The following SNX13 variants were observed in gnomAD, a reference collection of about 807,000 sequenced individuals.
SNX13 encodes the protein sorting nexin 13, also known as sorting nexin-13.
A neutral mutation model predicts 133.6 loss-of-function variants in SNX13; 45 were observed. The observed-to-expected ratio is 0.34, with a 90% CI of 0.27 to 0.43. The LOEUF (loss-of-function observed/expected upper bound fraction) is 0.43. Among genes scored for constraint, SNX13 ranks in the 20% least tolerant of loss-of-function variants. The pLI, the probability that SNX13 is intolerant of heterozygous loss-of-function variation, is 1.00. For missense variants in SNX13, 1,032 were observed against 1,145.1 expected, an observed-to-expected ratio of 0.90 and a Z score of 1.43; for synonymous variants, 414 against 373.9, an observed-to-expected ratio of 1.11 and a Z score of -1.24.
intron 9 of SNX13, among the ~76,000 whole-genome samples, chr7:17,856,902 C>T (rs1013791396): frequency 6.8e-6 from 1 of 147,902 alleles, no homozygotes; most frequent in Non-Finnish European, 1.5e-5. Context: ...AGATTTATAA[C>T]AAAAATAAAT....
At chr7:17,873,500 G>T in intron 8 of SNX13, 28 bp downstream of exon 8, 3 of 1,459,564 alleles carry the variant, frequency 2.1e-6, no homozygotes, top group South Asian at 1.5e-5. Context: ...TTTTTTGCAG[G>T]TATGATATGG....
chr7:17,832,928 G>A lies in SNX13; in HGVS notation c.1597+1124C>T, dbSNP rs1409188933. Among the ~76,000 whole-genome samples, 8 of 151,240 alleles carry A rather than the reference G, an allele frequency of 5.3e-5. No homozygotes were observed. The East Asian group carries it at 1.5e-3, about 29-fold the overall frequency. On this transcript the variant is annotated intron_variant, in intron 15 of 25. Coordinates refer to ENST00000428135, the MANE Select transcript of SNX13 (RefSeq NM_015132.5). Reference sequence around the variant, plus strand: ...ACACAGGGATAGGAGGTGGAGGAGAGGGGAGGCTGGGAGACTTCCATAATA... The same window carrying A: ...ACACAGGGATAGGAGGTGGAGGAGAAGGGAGGCTGGGAGACTTCCATAATA...
intron 11 of SNX13, among the ~76,000 whole-genome samples, chr7:17,846,751 C>T (rs996146667): frequency 3.3e-5 from 5 of 152,040 alleles, no homozygotes; most frequent in African/African-American, 1.2e-4. Context: ...CTTTAGATGT[C>T]TGGTAGAGAG....
chr7:17,839,177 C>A (rs941516521), intron 13 of SNX13, among the ~76,000 whole-genome samples: 1 of 148,668 alleles, frequency 6.7e-6, no homozygotes, highest in Non-Finnish European at 1.5e-5. Flanking sequence ...TCTATAGACG[C>A]TATAGATTAT....
intron 16 of SNX13, among the ~76,000 whole-genome samples, chr7:17,828,812 A>C (rs898861333): frequency 6.6e-6 from 1 of 151,478 alleles, no homozygotes; most frequent in East Asian, 1.9e-4. Context: ...AAGAAAAAAA[A>C]TTTTTTACTA....
At chr7:17,876,259 C>T (rs766775585) in intron 5 of SNX13, among the ~76,000 whole-genome samples, 13 of 152,116 alleles carry the variant, frequency 8.5e-5, no homozygotes, top group Admixed American at 6.5e-4. Flanking sequence ...ATGTTCTGAA[C>T]GTTCTGTTTG....
In SNX13 at chr7:17,803,597, T is replaced by C. The variant is rs185155864; in HGVS notation, c.2065-17A>G. 217 of 1,589,420 alleles carry C rather than the reference T, an allele frequency of 1.4e-4. 1 individual carries two copies. In the East Asian group the frequency reaches 4.4e-3, roughly 32 times the overall value. Reference sequence around the variant, plus strand: ...AGTGTCCATCTAAAGGGAAAAAAGATATTATACCATGACTTTATTGTACCA... The same window carrying C: ...AGTGTCCATCTAAAGGGAAAAAAGACATTATACCATGACTTTATTGTACCA... On this transcript the variant is annotated splice_polypyrimidine_tract_variant and intron_variant, in intron 20 of 25. Coordinates refer to ENST00000428135, the MANE Select transcript of SNX13 (RefSeq NM_015132.5).
chr7:17,879,195 T>C (rs1795070165), intron 5 of SNX13, among the ~76,000 whole-genome samples: 1 of 152,226 alleles, frequency 6.6e-6, no homozygotes, highest in African/African-American at 2.4e-5. Context: ...TTTTTTTGTT[T>C]GTTCATTTTG....
At chr7:17,815,864 C>A (rs187126277) in intron 19 of SNX13, among the ~76,000 whole-genome samples, 205 of 152,190 alleles carry the variant, frequency 1.3e-3, no homozygotes, top group African/African-American at 4.6e-3. Flanking sequence ...ATACATGACA[C>A]AGACATTTAG....
chr7:17,816,602 G>A (rs1467395671), intron 18 of SNX13, among the ~76,000 whole-genome samples: 4 of 152,170 alleles, frequency 2.6e-5, no homozygotes, highest in African/African-American at 9.7e-5. Flanking sequence ...GGTAGAGGTT[G>A]TGATGAGCCG....
At chr7:17,921,140 TACAAGGATAGG>T (rs1463227624) in intron 1 of SNX13, among the ~76,000 whole-genome samples, 1 of 152,120 alleles carries the variant, frequency 6.6e-6, no homozygotes, top group Non-Finnish European at 1.5e-5. Context: ...TACCAGAGGA[TACAAGGATAGG>T]ACTTCCTATG....
intron 25 of SNX13, chr7:17,795,947 C>G (rs540170824): frequency 2.0e-5 from 3 of 151,508 alleles, no homozygotes; most frequent in Admixed American, 2.0e-4. Context: ...GAAGGCTGGT[C>G]ATTAAAATTT....
intron 17 of SNX13, among the ~76,000 whole-genome samples, chr7:17,824,455 C>A (rs192149743): frequency 6.6e-6 from 1 of 152,036 alleles, no homozygotes; most frequent in African/African-American, 2.4e-5. Flanking sequence ...AACCAAAAAT[C>A]AAATATGTTT....
intron 9 of SNX13, among the ~76,000 whole-genome samples, chr7:17,857,941 C>T (rs912333406): frequency 1.3e-5 from 2 of 152,116 alleles, no homozygotes; most frequent in Non-Finnish European, 2.9e-5. Flanking sequence ...ATTATCATTT[C>T]AATAGATGTT....
rs59512055 is a variant in SNX13, at chr7:17,873,419, G to A, written c.753+109C>T. 3.1e-4 allele frequency: 146 copies of A among 472,452 alleles called. 1 individual carries two copies. In the East Asian group the frequency reaches 5.1e-3, roughly 17 times the overall value. The allele number at this position is 472,452 out of a possible 1,614,324, so 29.3% of individuals were successfully genotyped here. The stretch of plus-strand genomic sequence containing the variant: ...AAACTCACATAAACAAAAGCTCTTT[G>A]GAGTCTTCAATAATTTTTAAGAGTG... On this transcript the variant is annotated intron_variant, in intron 8 of 25. Transcript: ENST00000428135.
At chr7:17,799,460 A>G (rs1329428457) in intron 22 of SNX13, among the ~76,000 whole-genome samples, 1 of 151,768 alleles carries the variant, frequency 6.6e-6, no homozygotes, top group Non-Finnish European at 1.5e-5. Context: ...ATTGGAAGAG[A>G]CTGTATGAGT....
intron 9 of SNX13, among the ~76,000 whole-genome samples, chr7:17,856,361 A>G (rs1046338832): frequency 6.6e-6 from 1 of 152,262 alleles, no homozygotes; most frequent in Non-Finnish European, 1.5e-5. Flanking sequence ...ACTACCAGAG[A>G]AAAATCACTT....
intron 7 of SNX13, 65 bp downstream of exon 7, chr7:17,875,415 C>T: frequency 7.6e-7 from 1 of 1,322,980 alleles, no homozygotes; most frequent in Non-Finnish European, 1.1e-6. Flanking sequence ...TAGATTTTTT[C>T]ACTGGTTCTG....
chr7:17,804,270 C>A (rs1353898456), intron 20 of SNX13, among the ~76,000 whole-genome samples: 1 of 152,082 alleles, frequency 6.6e-6, no homozygotes, highest in East Asian at 1.9e-4. Context: ...CTATATACTT[C>A]TGGCACAGTT....
Sources: allele counts gnomAD v4.1 joint callset (sites outside exome capture counted in the v4.1 genomes callset), GRCh38; gene constraint gnomAD v4.1.1; transcripts MANE v1.5; gene names NCBI Gene and HGNC (gene_info 2026-07-23, HGNC 2026-07-21).